PM20D1: variants seen among roughly 807,000 people sequenced by gnomAD.
The protein encoded by PM20D1 is peptidase M20 domain containing 1.
Under a neutral mutation model 53.8 loss-of-function variants are expected in PM20D1, and 53 were observed. That is an observed-to-expected ratio of 0.98 (90% CI 0.79 to 1.24). The LOEUF is 1.24. PM20D1 is among the 50% of genes most tolerant of loss of function. The pLI, the probability that PM20D1 is intolerant of heterozygous loss-of-function variation, is 0.00. For missense variants in PM20D1, 564 were observed against 616.8 expected, an observed-to-expected ratio of 0.91 and a Z score of 0.91; for synonymous variants, 239 against 241.3, an observed-to-expected ratio of 0.99 and a Z score of 0.09.
intron 10 of PM20D1, among the ~76,000 whole-genome samples, chr1:205,836,144 G>T (rs1431588996): frequency 6.6e-6 from 1 of 152,196 alleles, no homozygotes; most frequent in African/African-American, 2.4e-5. Flanking sequence ...AAAGTGCTGG[G>T]ATTACAGGCG....
rs1656827326 is a variant in PM20D1, at chr1:205,842,196, A to G, written c.923T>C (p.Ile308Thr). ...AAATAGCCATGGGTTGCTCAGGATT[A>G]TATTGACAGGGAAGGGAAACTGGGA... Reference protein sequence around the residue: ...LANEFPFPVNIILSNPWLFEP... With the variant: ...LANEFPFPVNTILSNPWLFEP... The change falls in exon 8 of 13, where the codon ATA becomes ACA. Residue 308 changes from isoleucine (I) to threonine (T), a missense_variant. By Grantham distance (89) the Ile-to-Thr change is moderately conservative. Coordinates refer to ENST00000367136, the MANE Select transcript of PM20D1 (RefSeq NM_152491.5). 2 of 1,613,204 alleles carry G rather than the reference A, an allele frequency of 1.2e-6. No individual in the cohort carries two copies. The highest frequency in any genetic ancestry group is 1.7e-6 in the Non-Finnish European group (2 of 1,179,162).
intron 12 of PM20D1, among the ~76,000 whole-genome samples, chr1:205,829,606 C>T (rs1276902876): frequency 1.3e-5 from 2 of 152,156 alleles, no homozygotes; most frequent in African/African-American, 4.8e-5. Flanking sequence ...AACAGAGTAC[C>T]TACCCATCTC....
chr1:205,846,423 C>A (rs987753326), intron 2 of PM20D1, among the ~76,000 whole-genome samples: 1 of 152,094 alleles, frequency 6.6e-6, no homozygotes, highest in Non-Finnish European at 1.5e-5. Context: ...GTCAATATCT[C>A]AAGCTCAGGC....
chr1:205,832,559 C>G lies in PM20D1; in HGVS notation c.1285+39G>C, dbSNP rs200335165. 3 of 1,607,188 alleles carry G rather than the reference C, an allele frequency of 1.9e-6. No homozygotes were observed. The African/African-American group carries it at 4.0e-5, about 21-fold the overall frequency. The stretch of plus-strand genomic sequence containing the variant: ...GACATTGGATAGGAAACAGTTCCAG[C>G]CCCCTCCTCCCTCCAGCCACAGCTG... On this transcript the variant is annotated intron_variant, in intron 11 of 12. Transcript: ENST00000367136.
intron 10 of PM20D1, among the ~76,000 whole-genome samples, chr1:205,834,435 G>C (rs965410863): frequency 8.6e-4 from 131 of 152,286 alleles, no homozygotes; most frequent in African/African-American, 3.0e-3. Flanking sequence ...AGGACTACAG[G>C]CGTGAGCCAC....
At chr1:205,848,956 G>A (rs1657066001) in intron 1 of PM20D1, among the ~76,000 whole-genome samples, 1 of 152,186 alleles carries the variant, frequency 6.6e-6, no homozygotes, top group East Asian at 1.9e-4. Context: ...AGCTTATGTA[G>A]CTTTTGTTCT....
At chr1:205,837,996 C>A (rs949513354) in intron 10 of PM20D1, among the ~76,000 whole-genome samples, 1 of 152,106 alleles carries the variant, frequency 6.6e-6, no homozygotes, top group African/African-American at 2.4e-5. Flanking sequence ...AACTACCCCC[C>A]ACTCCCCCAA....
rs1242615001 is a variant in PM20D1 at position 205,828,627 on chromosome 1, T to A, written c.1502A>T (p.Lys501Ile). 30 of 1,614,128 alleles carry A rather than the reference T, an allele frequency of 1.9e-5. No individual in the cohort carries two copies. Among genetic ancestry groups the A allele is most frequent in the Non-Finnish European group, 2.2e-5 (26 of 1,180,008 alleles). ...TDQEPVSHLH[K>I]L is the part of the protein sequence containing the mutation. ...CCAGCAGGCCCCTTGACCTCACAGT[T>A]TGTGCAGGTGAGAAACTGGCTCCTG... Residue 501 changes from lysine (K) to isoleucine (I), a missense_variant, in exon 13 of 13, where the codon AAA becomes ATA. Physicochemically the swap from Lys to Ile is moderately radical, Grantham distance 102 (BLOSUM62 -3). Transcript: ENST00000367136.
chr1:205,844,010 T>C, intron 5 of PM20D1, 77 bp downstream of exon 5: 1 of 1,541,854 alleles, frequency 6.5e-7, no homozygotes, highest in South Asian at 1.2e-5. Flanking sequence ...TCAGCATGGC[T>C]CACAGATACC....
intron 1 of PM20D1, 23 bp downstream of exon 1, chr1:205,849,881 G>A: frequency 6.2e-7 from 1 of 1,600,970 alleles, no homozygotes; most frequent in Non-Finnish European, 8.5e-7. Flanking sequence ...GAGCATAGGT[G>A]GGTGAAGGGG....
chr1:205,843,917 A>G (rs1049026050), intron 5 of PM20D1, 131 bp from the exon 6 acceptor site: 3 of 1,474,722 alleles, frequency 2.0e-6, no homozygotes, highest in Non-Finnish European at 2.7e-6. Context: ...AAAATTTTAT[A>G]CTGGAGGAAG....
intron 6 of PM20D1, among the ~76,000 whole-genome samples, chr1:205,843,170 G>C (rs1656856017): frequency 6.6e-6 from 1 of 152,094 alleles, no homozygotes; most frequent in Admixed American, 6.5e-5. Context: ...ATTTATTTTT[G>C]TCCTCCTGCC....
In PM20D1 at chr1:205,832,635, T is replaced by C; in HGVS notation, c.1248A>G (p.Val416=). 1 of 1,614,154 alleles carries C rather than the reference T, an allele frequency of 6.2e-7. No homozygotes were observed. The highest frequency in any genetic ancestry group is 8.5e-7 in the Non-Finnish European group (1 of 1,180,026). ...ALGYQLLRQT[V]QSVFPEVNIT... is the part of the protein sequence containing the mutation. ...TATTGACTTCCGGGAAGACGGACTG[T>C]ACGGTCTGGCGGAGCAGCTGGTAGC... The change falls in exon 11 of 13, where the codon GTA becomes GTG. Residue 416 remains valine (V), a synonymous_variant. Coordinates refer to ENST00000367136, the MANE Select transcript of PM20D1 (RefSeq NM_152491.5).
At chr1:205,833,532 T>C (rs1656608461) in intron 10 of PM20D1, among the ~76,000 whole-genome samples, 1 of 152,192 alleles carries the variant, frequency 6.6e-6, no homozygotes, top group South Asian at 2.1e-4. Flanking sequence ...TGTATTCAAG[T>C]TTTCTCTCTT....
intron 1 of PM20D1, 33 bp downstream of exon 1, chr1:205,849,871 G>A (rs922306333): frequency 6.3e-7 from 1 of 1,586,198 alleles, no homozygotes; most frequent in Non-Finnish European, 8.6e-7. Context: ...ACCCACATAT[G>A]AGCATAGGTG....
In PM20D1 at chr1:205,828,168, CAT is replaced by C; in HGVS notation, c.*450_*451del. The C allele has an allele frequency of 6.3e-6, 1 of 157,926 alleles. No individual in the cohort carries two copies. The highest frequency in any genetic ancestry group is 1.4e-5 in the Non-Finnish European group (1 of 71,850). 9.8% of individuals were successfully genotyped at this position (157,926 alleles called of 1,614,324 possible). A position where few individuals can be genotyped will look rare whatever the true frequency, so the allele number is the denominator to read the frequency against. ...AGAGAGGAGAGATGAAGAGACAGCT[CAT>C]GAGTCCAAGAAGAGAGGGGAATAAA... On this transcript the variant is annotated 3_prime_UTR_variant, in exon 13 of 13. Transcript: ENST00000367136.
Position 205,843,688 on chromosome 1 carries a change from A to T in PM20D1, c.806T>A (p.Ile269Asn), listed in dbSNP as rs910059068. The change falls in exon 6 of 13, where the codon ATC (isoleucine) becomes AAC (asparagine). Residue 269 changes from isoleucine (I) to asparagine (N), a missense_variant. Transcript: ENST00000367136. ...TTACCGGCTGACAGCAGCTGCAAGGATGCCAATGCTTGTCTCCTTTGGAGG... is the reference window on the plus strand; with the variant it reads ...TTACCGGCTGACAGCAGCTGCAAGGTTGCCAATGCTTGTCTCCTTTGGAGG... ...SAPPKETSIG[I>N]LAAAVSRLEQ... is the part of the protein sequence containing the mutation. 17 of 1,614,090 alleles carry T rather than the reference A, an allele frequency of 1.1e-5. No individual in the cohort carries two copies. Among genetic ancestry groups the T allele is most frequent in the Non-Finnish European group, 1.4e-5 (17 of 1,180,002 alleles).
Position 205,845,507 on chromosome 1 carries a change from C to T in PM20D1, c.307G>A (p.Glu103Lys). The change falls in exon 3 of 13, where the codon GAG (glutamate) becomes AAG (lysine). Residue 103 changes from glutamate to lysine, a missense_variant. Coordinates refer to ENST00000367136, the MANE Select transcript of PM20D1 (RefSeq NM_152491.5). ...TSFIQHEVVEEYSHLFTIQGS... is the reference protein window; with the variant it reads ...TSFIQHEVVEKYSHLFTIQGS... ...TGGATAGTGAACAGGTGGCTATACT[C>T]TTCCACGACTTCATGCTGGATAAAG... The T allele has an allele frequency of 6.2e-7, 1 of 1,614,224 alleles. No individual in the cohort carries two copies. Among genetic ancestry groups the T allele is most frequent in the Non-Finnish European group, 8.5e-7 (1 of 1,180,046 alleles).
chr1:205,845,043 T>C (rs918086029), intron 3 of PM20D1, 146 bp from the exon 4 acceptor site: 20 of 711,750 alleles, frequency 2.8e-5, no homozygotes, highest in Non-Finnish European at 4.0e-5. Flanking sequence ...ATTCAAATGG[T>C]ACAGGGGACC....
Sources: gnomAD v4.1 joint callset for allele counts (sites outside exome capture counted in the v4.1 genomes callset) on GRCh38, gnomAD v4.1.1 for gene constraint, MANE v1.5 for transcripts, NCBI Gene and HGNC (gene_info 2026-07-23, HGNC 2026-07-21) for gene names.